The following VGLL4 variants were observed in gnomAD, a reference collection of about 807,000 sequenced individuals.
VGLL4 encodes the protein vestigial like family member 4, also known as transcription cofactor vestigial-like protein 4.
Under a neutral mutation model 21.0 loss-of-function variants are expected in VGLL4, and 7 were observed. The ratio of observed to expected loss-of-function variants is 0.33; its 90% CI spans 0.19 to 0.63. VGLL4 has a LOEUF of 0.63. VGLL4 is among the 20% of genes least tolerant of loss of function. The pLI, the probability that VGLL4 is intolerant of heterozygous loss-of-function variation, is 0.78. For missense variants in VGLL4, 394 were observed against 425.7 expected (o/e 0.93, Z 0.66); for synonymous variants, 222 against 173.2 (o/e 1.28, Z -2.21).
chr3:11,673,439 G>T (rs1038614378), intron 2 of VGLL4, among the ~76,000 whole-genome samples: 2 of 151,940 alleles, frequency 1.3e-5, no homozygotes, highest in African/African-American at 2.4e-5. Flanking sequence ...GGGGGAAAGG[G>T]GGGGAAGTAG....
At position 11,706,420 on chromosome 3, in the gene VGLL4, G is replaced by A. The variant is rs138391473; in HGVS notation, c.-13-3373C>T. Among the ~76,000 whole-genome samples, 72 of 152,302 alleles carry A rather than the reference G, an allele frequency of 4.7e-4. No homozygotes were observed. In the East Asian group the frequency reaches 0.012, roughly 25 times the overall value. On this transcript the variant is annotated intron_variant, in intron 1 of 5. Transcript: ENST00000273038. ...TAGATCTCTGCTTTCAAGGAGTCAC[G>A]CTCTTGTTCGGAAACTAAATTTTAT...
chr3:11,687,502 C>T (rs1365239259), intron 2 of VGLL4, among the ~76,000 whole-genome samples: 2 of 152,040 alleles, frequency 1.3e-5, no homozygotes, highest in Non-Finnish European at 2.9e-5. Flanking sequence ...AGAGATATGG[C>T]TCTTGCTATG....
At chr3:11,685,734 C>A (rs2076437727) in intron 2 of VGLL4, among the ~76,000 whole-genome samples, 1 of 152,040 alleles carries the variant, frequency 6.6e-6, no homozygotes, top group Non-Finnish European at 1.5e-5. Context: ...TGTTACAACT[C>A]AACAACAGAA....
intron 1 of VGLL4, among the ~76,000 whole-genome samples, chr3:11,635,225 G>C (rs1160492042): frequency 1.3e-5 from 2 of 152,208 alleles, no homozygotes; most frequent in Non-Finnish European, 2.9e-5. Context: ...GGATGGCAAG[G>C]ACGATACAGT....
At chr3:11,562,166 G>C (rs2073081721) in intron 3 of VGLL4, among the ~76,000 whole-genome samples, 1 of 152,056 alleles carries the variant, frequency 6.6e-6, no homozygotes, top group African/African-American at 2.4e-5. Flanking sequence ...CAAAGGGCTG[G>C]GATTACAGGT....
intron 1 of VGLL4, among the ~76,000 whole-genome samples, chr3:11,622,460 T>C (rs2075281235): frequency 6.6e-6 from 1 of 152,070 alleles, no homozygotes; most frequent in African/African-American, 2.4e-5. Flanking sequence ...CAGAACCTAA[T>C]GTGTGTTTGG....
At chr3:11,591,611 A>C (rs1470954584) in intron 2 of VGLL4, among the ~76,000 whole-genome samples, 3 of 152,268 alleles carry the variant, frequency 2.0e-5, no homozygotes, top group Non-Finnish European at 4.4e-5. Flanking sequence ...TCAACTGTGA[A>C]AATGAGAAAA....
At chr3:11,566,388 G>A (rs759666277) in intron 2 of VGLL4, among the ~76,000 whole-genome samples, 9 of 152,178 alleles carry the variant, frequency 5.9e-5, no homozygotes, top group Admixed American at 2.6e-4. Context: ...CCAGGATATC[G>A]ACAATGAGAC....
At chr3:11,561,050 T>C (rs1406904849) in intron 3 of VGLL4, among the ~76,000 whole-genome samples, 2 of 150,706 alleles carry the variant, frequency 1.3e-5, no homozygotes, top group African/African-American at 5.0e-5. Flanking sequence ...AGGAGGGCCC[T>C]GCCCCTGTCC....
At chr3:11,681,572 G>GT (rs1467424331) in intron 2 of VGLL4, among the ~76,000 whole-genome samples, 1 of 152,182 alleles carries the variant, frequency 6.6e-6, no homozygotes, top group Non-Finnish European at 1.5e-5. Context: ...CATGAAAATT[G>GT]TTTGTTTCCA....
At chr3:11,701,885 T>C (rs986702267) in intron 2 of VGLL4, among the ~76,000 whole-genome samples, 1 of 152,218 alleles carries the variant, frequency 6.6e-6, no homozygotes, top group African/African-American at 2.4e-5. Context: ...TCTTACAATA[T>C]TGTTTAGCAA....
intron 2 of VGLL4, among the ~76,000 whole-genome samples, chr3:11,679,657 T>G (rs780597196): frequency 2.0e-5 from 3 of 152,106 alleles, no homozygotes; most frequent in Non-Finnish European, 4.4e-5. Flanking sequence ...TACTTCAGCC[T>G]GGGCGACAGA....
chr3:11,692,467 G>T (rs571104200), intron 2 of VGLL4, among the ~76,000 whole-genome samples: 4 of 152,246 alleles, frequency 2.6e-5, no homozygotes, highest in East Asian at 3.9e-4. Context: ...GGTATTTTTT[G>T]ATGTCATTGT....
intron 2 of VGLL4, chr3:11,582,414 A>C: frequency 6.5e-7 from 1 of 1,532,994 alleles, no homozygotes; most frequent in Non-Finnish European, 8.8e-7. Context: ...GTCAGAATAA[A>C]AGTCCTCCCT....
chr3:11,643,676 A>C lies in VGLL4; in HGVS notation c.-158T>G. On this transcript the variant is annotated 5_prime_UTR_variant, in exon 1 of 5. Coordinates refer to ENST00000430365, the MANE Select transcript of VGLL4 (RefSeq NM_001128219.3). ...AACAAAGTATGCAAAAGTTAAAAAA[A>C]AAAAAATCAGGCACAAAAAAATCGA... 1 of 1,442,112 alleles carries C rather than the reference A, an allele frequency of 6.9e-7. No homozygotes were observed. The highest frequency in any genetic ancestry group is 9.0e-7 in the Non-Finnish European group (1 of 1,105,494). The allele number at this position is 1,442,112 out of a possible 1,614,324, so 89.3% of individuals were successfully genotyped here. A position where few individuals can be genotyped will look rare whatever the true frequency, so the allele number is the denominator to read the frequency against.
At chr3:11,582,157 G>T in intron 2 of VGLL4, 1 of 1,111,460 alleles carries the variant, frequency 9.0e-7, no homozygotes, top group Non-Finnish European at 1.3e-6. Context: ...TCTAAGCAAA[G>T]ACTACTCTAC....
chr3:11,560,747 C>T (rs1218172076), intron 3 of VGLL4, among the ~76,000 whole-genome samples: 2 of 152,078 alleles, frequency 1.3e-5, no homozygotes, highest in Non-Finnish European at 2.9e-5. Context: ...TCTTAGTGGC[C>T]CGACACTTAG....
At chr3:11,647,415 C>T (rs1050084481), upstream of VGLL4, among the ~76,000 whole-genome samples, 1 of 152,176 alleles carries the variant, frequency 6.6e-6, no homozygotes, top group Non-Finnish European at 1.5e-5. Flanking sequence ...TCACACCCTA[C>T]GCCAAGCTAT....
chr3:11,693,186 A>G, intron 2 of VGLL4: 1 of 185,306 alleles, frequency 5.4e-6, no homozygotes, highest in Non-Finnish European at 1.2e-5. Context: ...AAAAAAAAGT[A>G]AATGAAAATG....
Sources: allele counts gnomAD v4.1 joint callset (sites outside exome capture counted in the v4.1 genomes callset), GRCh38; gene constraint gnomAD v4.1.1; transcripts MANE v1.5; gene names NCBI Gene and HGNC (gene_info 2026-07-23, HGNC 2026-07-21).